The following SEMA3F variants were observed in gnomAD, a reference collection of about 807,000 sequenced individuals.
The protein encoded by SEMA3F is semaphorin-3F.
SEMA3F carries 30 observed loss-of-function variants against 98.5 expected under a neutral mutation model. The ratio of observed to expected loss-of-function variants is 0.30; its 90% CI spans 0.23 to 0.41. SEMA3F has a LOEUF of 0.41. Among genes scored for constraint, SEMA3F ranks in the 10% least tolerant of loss-of-function variants. The pLI is 1.00. For missense variants in SEMA3F, 866 were observed against 1,119.3 expected, an observed-to-expected ratio of 0.77 and a Z score of 3.23; for synonymous variants, 380 against 444.8, an observed-to-expected ratio of 0.85 and a Z score of 1.83.
intron 2 of SEMA3F, among the ~76,000 whole-genome samples, chr3:50,167,627 G>T (rs1391017355): frequency 6.6e-6 from 1 of 151,800 alleles, no homozygotes; most frequent in Non-Finnish European, 1.5e-5. Flanking sequence ...GGCCCAGCTG[G>T]GCTCTTTACC....
intron 18 of SEMA3F, among the ~76,000 whole-genome samples, chr3:50,187,074 C>G (rs1699247384): frequency 6.6e-6 from 1 of 152,222 alleles, no homozygotes; most frequent in South Asian, 2.1e-4. Flanking sequence ...AAATGCCCTA[C>G]AGGTGTCCCT....
At chr3:50,177,409 G>T (rs1698853634) in intron 7 of SEMA3F, among the ~76,000 whole-genome samples, 1 of 152,222 alleles carries the variant, frequency 6.6e-6, no homozygotes, top group South Asian at 2.1e-4. Context: ...GCCCCTAACT[G>T]CAGGTTGGGT....
chr3:50,185,987 G>C lies in SEMA3F; in HGVS notation c.1686G>C (p.Arg562=). ...GAACADCCLA[R]DPYCAWDGQA... is the part of the protein sequence containing the mutation. ...CCTGTGCTGACTGCTGCCTTGCCCG[G>C]GACCCTTACTGTGCCTGGGATGGCC... The change falls in exon 16 of 19, where the codon CGG becomes CGC. Residue 562 remains arginine (R), a synonymous_variant. Transcript: ENST00000002829. 1.2e-6 allele frequency: 2 copies of C among 1,614,094 alleles called. No homozygotes were observed. The highest frequency in any genetic ancestry group is 2.2e-5 in the South Asian group (2 of 91,090).
rs1487695456 is a variant in SEMA3F at position 50,166,258 on chromosome 3, C to T, written c.112+6524C>T. 3.3e-5 allele frequency among the ~76,000 whole-genome samples: 5 copies of T among 152,346 alleles called. No individual in the cohort carries two copies. The highest frequency in any genetic ancestry group is 1.9e-4 in the East Asian group (1 of 5,178). On this transcript the variant is annotated intron_variant, in intron 2 of 18. Coordinates refer to ENST00000002829, the MANE Select transcript of SEMA3F (RefSeq NM_004186.5). This position sits in a 1 kb window ranked among gnomAD's most constrained non-coding sequence, Gnocchi z 4.7. ...TCGGTGCTGATGCCCTCATTTCCCC[C>T]GGCCAGAGTCCACTGCCTCGTGTGT... is the stretch of plus-strand genomic sequence containing the variant.
chr3:50,182,450 C>A lies in SEMA3F; in HGVS notation c.763+47C>A. 1.2e-6 allele frequency: 2 copies of A among 1,609,168 alleles called. No homozygotes were observed. Among genetic ancestry groups the A allele is most frequent in the South Asian group, 2.2e-5 (2 of 91,008 alleles). ...CTTCCGTGGCCATGTGTCTGGGATG[C>A]GGCAAGGAGGTCGTAAAGAAGCACA... On this transcript the variant is annotated intron_variant, in intron 8 of 18. Coordinates refer to ENST00000002829, the MANE Select transcript of SEMA3F (RefSeq NM_004186.5). This position sits in a 1 kb window ranked among gnomAD's most constrained non-coding sequence, Gnocchi z 4.5.
chr3:50,163,517 TGATG>T (rs1157547020), intron 2 of SEMA3F, among the ~76,000 whole-genome samples: 1 of 152,186 alleles, frequency 6.6e-6, no homozygotes, highest in Non-Finnish European at 1.5e-5. Flanking sequence ...GGTTTGGAGA[TGATG>T]AGGTTAGAGG....
intron 18 of SEMA3F, among the ~76,000 whole-genome samples, chr3:50,187,396 C>G (rs977618255): frequency 1.4e-5 from 2 of 142,282 alleles, no homozygotes; most frequent in Non-Finnish European, 3.0e-5. Context: ...GCATTCTAGC[C>G]TAGGCGACAG....
rs1559722680 is a variant in SEMA3F, at chr3:50,166,605, G to T, written c.112+6871G>T. ...GCCCTGTGCCTCGGTTTCTCCATCA[G>T]AATGTTGGGGAGGGGCTAAGACTGT... On this transcript the variant is annotated intron_variant, in intron 2 of 18. Transcript: ENST00000002829. This position sits in a 1 kb window ranked among gnomAD's most constrained non-coding sequence, Gnocchi z 4.7. Among the ~76,000 whole-genome samples, 1 of 152,168 alleles carries T rather than the reference G, an allele frequency of 6.6e-6. No individual in the cohort carries two copies. The highest frequency in any genetic ancestry group is 1.9e-4 in the East Asian group (1 of 5,190).
intron 7 of SEMA3F, among the ~76,000 whole-genome samples, chr3:50,177,897 A>G (rs1698873999): frequency 6.6e-6 from 1 of 152,074 alleles, no homozygotes; most frequent in African/African-American, 2.4e-5. Context: ...TAAATTATAT[A>G]AGTTTACGAT....
At chr3:50,165,917 G>A (rs1180120926) in intron 2 of SEMA3F, among the ~76,000 whole-genome samples, 5 of 152,224 alleles carry the variant, frequency 3.3e-5, no homozygotes, top group African/African-American at 1.2e-4. Flanking sequence ...GGGCTAGCCT[G>A]TTGGGGAGGG....
chr3:50,178,829 C>CTTTTT (rs1226887922), intron 7 of SEMA3F, among the ~76,000 whole-genome samples: 44 of 75,136 alleles, frequency 5.9e-4, no homozygotes, highest in Non-Finnish European at 7.9e-4. Flanking sequence ...AATTCTTTTT[C>CTTTTT]TTTTTTTTTT....
In SEMA3F at chr3:50,187,852, C is replaced by T. The variant is rs777811058; in HGVS notation, c.2095C>T (p.Arg699Trp). Residue 699 changes from arginine (R) to tryptophan (W), a missense_variant, in exon 19 of 19, where the codon CGG (arginine) becomes TGG (tryptophan). Around this residue, in one of 3 missense-constraint regions of SEMA3F, gnomAD observed 245 missense variants for 260.5 expected, o/e 0.94. Transcript: ENST00000002829. The part of the protein sequence containing the change: ...VTRVQLHVLG[R>W]DAVHAALFPP... The stretch of plus-strand genomic sequence containing the variant: ...ACGAGTGCAGCTGCATGTACTGGGC[C>T]GGGACGCCGTCCATGCTGCCCTCTT... 3.0e-5 allele frequency: 48 copies of T among 1,613,336 alleles called. No homozygotes were observed. Among genetic ancestry groups the T allele is most frequent in the Admixed American group, 3.3e-5 (2 of 60,024 alleles).
intron 2 of SEMA3F, among the ~76,000 whole-genome samples, chr3:50,169,592 C>A (rs529213848): frequency 5.3e-5 from 8 of 152,220 alleles, no homozygotes; most frequent in Non-Finnish European, 1.0e-4. Flanking sequence ...CCTTCCTCCC[C>A]CTAAGGTCAA....
In SEMA3F at chr3:50,184,577, GC is replaced by G. The variant is rs773857778; in HGVS notation, c.1234-13del. On this transcript the variant is annotated splice_polypyrimidine_tract_variant and intron_variant, in intron 12 of 18. Coordinates refer to ENST00000002829, the MANE Select transcript of SEMA3F (RefSeq NM_004186.5). ...CCCAGGCAGCCTGGGACTGACACTC[GC>G]CACCTGTCCACAGTGCCCTGGTGGA... 6.2e-7 allele frequency: 1 copy of G among 1,603,984 alleles called. No homozygotes were observed. The highest frequency in any genetic ancestry group is 1.1e-5 in the South Asian group (1 of 90,814).
intron 2 of SEMA3F, among the ~76,000 whole-genome samples, chr3:50,170,248 T>C (rs1698553920): frequency 1.3e-5 from 2 of 151,976 alleles, no homozygotes; most frequent in Non-Finnish European, 2.9e-5. Flanking sequence ...TCTGGTAGGC[T>C]GGGTTTGGAT....
intron 2 of SEMA3F, among the ~76,000 whole-genome samples, chr3:50,161,535 G>A (rs888923905): frequency 9.2e-5 from 14 of 152,220 alleles, no homozygotes; most frequent in Admixed American, 7.2e-4. Context: ...CGGTTGTGGC[G>A]GCCTGGGGTG....
intron 7 of SEMA3F, among the ~76,000 whole-genome samples, chr3:50,178,829 C>CTTTT (rs1226887922): frequency 5.3e-5 from 4 of 75,154 alleles, no homozygotes; most frequent in Non-Finnish European, 9.9e-5. Context: ...AATTCTTTTT[C>CTTTT]TTTTTTTTTT....
intron 12 of SEMA3F, 40 bp downstream of exon 12, chr3:50,183,604 T>C (rs1436586939): frequency 1.9e-6 from 3 of 1,603,980 alleles, no homozygotes; most frequent in Non-Finnish European, 2.6e-6. Context: ...CTTTCTCTTC[T>C]TCTAAGAGGC....
chr3:50,187,480 G>A (rs1304712917), intron 18 of SEMA3F, among the ~76,000 whole-genome samples: 1 of 144,056 alleles, frequency 6.9e-6, no homozygotes, highest in African/African-American at 2.5e-5. Flanking sequence ...TTTCCTCATT[G>A]TACAGAACCT....
Sources: gnomAD v4.1 joint callset for allele counts (sites outside exome capture counted in the v4.1 genomes callset) on GRCh38, gnomAD v4.1.1 for gene constraint, gnomAD v4.1.1 regional missense constraint, Gnocchi (gnomAD v3.1) non-coding constraint, MANE v1.5 for transcripts, NCBI Gene and HGNC (gene_info 2026-07-23, HGNC 2026-07-21) for gene names.